NFATC3: variants seen among roughly 807,000 people sequenced by gnomAD.
NFATC3 encodes nuclear factor of activated T-cells, cytoplasmic 3.
NFATC3 carries 46 observed loss-of-function variants against 98.6 expected under a neutral mutation model. The observed-to-expected ratio is 0.47, with a 90% confidence interval of 0.37 to 0.60. NFATC3 has a LOEUF of 0.60. Ranked by LOEUF, NFATC3 falls within the 20% of genes least tolerant of loss-of-function variation. The pLI is 0.00. For missense variants in NFATC3, 1,256 were observed against 1,295.5 expected (o/e 0.97, Z 0.47); for synonymous variants, 512 against 472.2 (o/e 1.08, Z -1.09).
chr16:68,090,136 C>T (rs1218542440), intron 1 of NFATC3, among the ~76,000 whole-genome samples: 1 of 151,970 alleles, frequency 6.6e-6, no homozygotes, highest in African/African-American at 2.4e-5. Flanking sequence ...AATTTACTGT[C>T]TCTTAGATAA....
intron 3 of NFATC3, among the ~76,000 whole-genome samples, chr16:68,133,376 A>T (rs925209079): frequency 6.6e-6 from 1 of 152,242 alleles, no homozygotes; most frequent in Admixed American, 6.5e-5. Flanking sequence ...TACATTATAT[A>T]CATGTATCAA....
At chr16:68,177,912 A>G (rs933450557) in intron 6 of NFATC3, among the ~76,000 whole-genome samples, 3 of 152,042 alleles carry the variant, frequency 2.0e-5, no homozygotes, top group African/African-American at 7.2e-5. Context: ...CTTTCACTTC[A>G]TTGAAATCAT....
At chr16:68,183,212 G>A in intron 7 of NFATC3, 28 bp from the exon 8 acceptor site, 1 of 1,554,106 alleles carries the variant, frequency 6.4e-7, no homozygotes. Context: ...AGTTCTGAGT[G>A]TAACACAATC....
intron 1 of NFATC3, chr16:68,088,877 G>A: frequency 1.8e-6 from 1 of 554,690 alleles, no homozygotes; most frequent in Non-Finnish European, 2.3e-6. Context: ...TCACTATGTT[G>A]CCCAGGCTAG....
At position 68,122,082 on chromosome 16, in the gene NFATC3, TTACC is replaced by T; in HGVS notation, c.200_203del (p.Leu67CysfsTer33). On this transcript the variant is annotated frameshift_variant, in exon 2 of 10. Transcript: ENST00000346183. LOFTEE classifies it high-confidence loss of function. The stretch of plus-strand genomic sequence containing the variant: ...ACCACTTTGCTTACCACATCATGGA[TTACC>T]GTCTCACTCTTCTGTTTTGTCACCA... 1 of 1,614,102 alleles carries T rather than the reference TTACC, an allele frequency of 6.2e-7. No individual in the cohort carries two copies. The highest frequency in any genetic ancestry group is 8.5e-7 in the Non-Finnish European group (1 of 1,180,028).
chr16:68,164,150 A>G (rs1019196462), intron 4 of NFATC3, among the ~76,000 whole-genome samples: 16 of 152,240 alleles, frequency 1.1e-4, no homozygotes, highest in African/African-American at 3.6e-4. Flanking sequence ...CTGCAATCCC[A>G]GCACCTCGGG....
chr16:68,157,900 T>C lies in NFATC3; in HGVS notation c.1433T>C (p.Leu478Pro). 1 of 1,613,724 alleles carries C rather than the reference T, an allele frequency of 6.2e-7. No homozygotes were observed. Among genetic ancestry groups the C allele is most frequent in the Non-Finnish European group, 8.5e-7 (1 of 1,179,848 alleles). Residue 478 changes from leucine (L) to proline (P), a missense_variant, in exon 4 of 10, where the codon CTA becomes CCA. This residue lies in a region of NFATC3 where 156 missense variants were observed against 212.4 expected (regional missense o/e 0.73). Transcript: ENST00000346183. The part of the protein sequence containing the change: ...LLGYNEKPIN[L>P]QMFIGTADDR... ...GGCTATAACGAAAAGCCAATAAATC[T>C]ACAAATGTTTATTGGGACAGCAGAT...
At chr16:68,192,332 T>TAGAGAG (rs55939323) in intron 9 of NFATC3, 5 of 134,492 alleles carry the variant, frequency 3.7e-5, no homozygotes, top group African/African-American at 5.6e-5. Flanking sequence ...TATATATATA[T>TAGAGAG]AGAGAGAGAG....
rs563787953 is a variant in NFATC3, at chr16:68,123,132, G to A, written c.1238+11G>A. The A allele has an allele frequency of 5.9e-5, 94 of 1,581,518 alleles. No homozygotes were observed. The South Asian group carries it at 9.7e-4, about 16-fold the overall frequency. On this transcript the variant is annotated intron_variant, in intron 2 of 9. Transcript: ENST00000346183. Reference sequence around the variant, plus strand: ...CACCCCTATATTTCGGTGAGTTGATGGAAATGGCTGCTGGTCATTTTTCAT... The same window carrying A: ...CACCCCTATATTTCGGTGAGTTGATAGAAATGGCTGCTGGTCATTTTTCAT...
intron 9 of NFATC3, among the ~76,000 whole-genome samples, chr16:68,210,242 G>A (rs139267507): frequency 6.6e-6 from 1 of 150,718 alleles, no homozygotes; most frequent in African/African-American, 2.4e-5. Context: ...AGCTTGCAGT[G>A]AGCCAAGATC....
intron 9 of NFATC3, among the ~76,000 whole-genome samples, chr16:68,224,118 C>T (rs936927453): frequency 1.6e-5 from 2 of 128,268 alleles, no homozygotes; most frequent in African/African-American, 6.3e-5. Context: ...CGGTGGCATG[C>T]ACCAGTTTAA....
intron 4 of NFATC3, among the ~76,000 whole-genome samples, chr16:68,164,729 A>T (rs1031462252): frequency 2.0e-5 from 3 of 151,718 alleles, no homozygotes; most frequent in African/African-American, 7.3e-5. Flanking sequence ...AATACAAAAA[A>T]ATTAGCCGGG....
chr16:68,107,729 AT>A (rs765239398), intron 1 of NFATC3, among the ~76,000 whole-genome samples: 15 of 150,754 alleles, frequency 9.9e-5, no homozygotes, highest in African/African-American at 2.7e-4. Flanking sequence ...TATCAAAAAA[AT>A]ATAATAATAA....
chr16:68,213,185 G>T (rs1411149079), intron 9 of NFATC3, among the ~76,000 whole-genome samples: 1 of 151,196 alleles, frequency 6.6e-6, no homozygotes, highest in Non-Finnish European at 1.5e-5. Context: ...GGAGGCCGAG[G>T]TGGGTGGATC....
intron 9 of NFATC3, among the ~76,000 whole-genome samples, chr16:68,199,284 C>T (rs1250098015): frequency 6.9e-6 from 1 of 145,828 alleles, no homozygotes; most frequent in Non-Finnish European, 1.5e-5. Context: ...AGTGCAGTGG[C>T]GCGATCTTGG....
At chr16:68,179,347 T>C (rs2039859147) in intron 6 of NFATC3, among the ~76,000 whole-genome samples, 1 of 152,226 alleles carries the variant, frequency 6.6e-6, no homozygotes. Context: ...GGGCATCCTG[T>C]CTCAGTTATC....
intron 3 of NFATC3, among the ~76,000 whole-genome samples, chr16:68,135,340 C>T (rs2037334919): frequency 6.6e-6 from 1 of 151,550 alleles, no homozygotes; most frequent in Non-Finnish European, 1.5e-5. Context: ...CACCTGTAGT[C>T]CCAGCTACTC....
Position 68,123,007 on chromosome 16 carries a change from A to T in NFATC3, c.1124A>T (p.Asp375Val), listed in dbSNP as rs748316393. ...CCAGCCCGGGAGACTTCAATAGATG[A>T]TGGCCTTGGATCTCAGTATCCTTTA... ...LSPARETSID[D>V]GLGSQYPLKK... Residue 375 changes from aspartate (D) to valine (V), a missense_variant, in exon 2 of 10, where the codon GAT (aspartate) becomes GTT (valine). Asp to Val is a radical substitution (Grantham distance 152). Coordinates refer to ENST00000346183, the MANE Select transcript of NFATC3 (RefSeq NM_173165.3). 3.1e-6 allele frequency: 5 copies of T among 1,613,940 alleles called. No homozygotes were observed. In the Admixed American group the frequency reaches 5.0e-5, roughly 16 times the overall value.
intron 1 of NFATC3, among the ~76,000 whole-genome samples, chr16:68,115,040 A>G (rs563811453): frequency 5.2e-4 from 79 of 152,130 alleles, no homozygotes; most frequent in African/African-American, 1.9e-3. Context: ...AACACAATTT[A>G]AATAACTCAC....
Sources: gnomAD v4.1 joint callset for allele counts (sites outside exome capture counted in the v4.1 genomes callset) on GRCh38, gnomAD v4.1.1 for gene constraint, gnomAD v4.1.1 regional missense constraint, MANE v1.5 for transcripts, NCBI Gene and HGNC (gene_info 2026-07-23, HGNC 2026-07-21) for gene names.